The following MRPL1 variants were observed in gnomAD, a reference collection of about 807,000 sequenced individuals.
The protein encoded by MRPL1 is large ribosomal subunit protein uL1m.
Under a neutral mutation model 38.0 loss-of-function variants are expected in MRPL1, and 28 were observed. The observed-to-expected ratio is 0.74, with a 90% CI of 0.55 to 1.01. MRPL1 has a LOEUF of 1.01. MRPL1 is among the 50% of genes least tolerant of loss of function. MRPL1 has a pLI of 0.00. For synonymous variants in MRPL1, 123 were observed against 126.7 expected (o/e 0.97, Z 0.20); for missense variants, 358 against 389.8 (o/e 0.92, Z 0.69).
intron 7 of MRPL1, among the ~76,000 whole-genome samples, chr4:77,948,472 TC>T (rs1737325666): frequency 6.6e-6 from 1 of 152,216 alleles, no homozygotes; most frequent in African/African-American, 2.4e-5. Context: ...TTATTTTTTT[TC>T]CTCTCAGAAC....
At chr4:77,944,949 A>G (rs1326729163) in intron 7 of MRPL1, among the ~76,000 whole-genome samples, 1 of 152,058 alleles carries the variant, frequency 6.6e-6, no homozygotes, top group Non-Finnish European at 1.5e-5. Flanking sequence ...GCCACTCCTT[A>G]CCATGTGTGT....
chr4:77,887,437 A>G (rs1028033627), intron 5 of MRPL1, 146 bp downstream of exon 5: 17 of 672,210 alleles, frequency 2.5e-5, no homozygotes, highest in Non-Finnish European at 3.8e-5. Flanking sequence ...AAAATTTCCA[A>G]CTTTCTTCAG....
chr4:77,885,377 T>G, intron 4 of MRPL1, 38 bp downstream of exon 4: 1 of 1,533,090 alleles, frequency 6.5e-7, no homozygotes, highest in East Asian at 2.3e-5. Flanking sequence ...TCATTTAATT[T>G]TTTTTTTTGA....
At chr4:77,894,869 G>A (rs998048836) in intron 6 of MRPL1, among the ~76,000 whole-genome samples, 25 of 152,098 alleles carry the variant, frequency 1.6e-4, no homozygotes, top group Non-Finnish European at 5.9e-5. Context: ...CATAAAGGAG[G>A]TAACATTAGT....
At chr4:77,915,531 TCCTTAACCCAGTAG>T (rs1409162196) in intron 7 of MRPL1, among the ~76,000 whole-genome samples, 150 of 152,182 alleles carry the variant, frequency 9.9e-4, no homozygotes, top group African/African-American at 3.2e-3. Context: ...CCATCTCAGC[TCCTTAACCCAGTAG>T]CTGGGACTAC....
intron 2 of MRPL1, among the ~76,000 whole-genome samples, chr4:77,877,558 C>A (rs1735427283): frequency 6.8e-6 from 1 of 147,172 alleles, no homozygotes; most frequent in Admixed American, 6.8e-5. Context: ...TAGCAGTAGA[C>A]TTCTATTCCT....
intron 7 of MRPL1, among the ~76,000 whole-genome samples, chr4:77,933,494 A>T (rs1736894161): frequency 6.6e-6 from 1 of 152,196 alleles, no homozygotes; most frequent in African/African-American, 2.4e-5. Context: ...AAGTGATCTC[A>T]TAAAACTATA....
intron 6 of MRPL1, among the ~76,000 whole-genome samples, chr4:77,904,734 TG>T (rs1305940505): frequency 6.6e-6 from 1 of 152,222 alleles, no homozygotes; most frequent in Non-Finnish European, 1.5e-5. Context: ...TATGATCAAC[TG>T]ATTTTCAGCA....
rs188589270 is a variant in MRPL1 at position 77,945,899 on chromosome 4, A to G, written c.778-3898A>G. ...AGGGCAAAGCAAAGATCACAAGGCAAAGGGGAAAATCAAAAACTCCTGATA... is the reference window on the plus strand; with the variant it reads ...AGGGCAAAGCAAAGATCACAAGGCAGAGGGGAAAATCAAAAACTCCTGATA... On this transcript the variant is annotated intron_variant, in intron 7 of 8. Coordinates refer to ENST00000315567, the MANE Select transcript of MRPL1 (RefSeq NM_020236.4). 3.0e-4 allele frequency among the ~76,000 whole-genome samples: 45 copies of G among 152,272 alleles called. No homozygotes were observed. The South Asian group carries it at 3.7e-3, about 13-fold the overall frequency.
chr4:77,880,791 A>G (rs1199587658), intron 2 of MRPL1, among the ~76,000 whole-genome samples: 3 of 152,178 alleles, frequency 2.0e-5, no homozygotes, highest in Non-Finnish European at 4.4e-5. Flanking sequence ...TTTGCTATGT[A>G]ACAAACCACT....
chr4:77,946,321 C>T (rs1334097601), intron 7 of MRPL1, among the ~76,000 whole-genome samples: 4 of 151,360 alleles, frequency 2.6e-5, no homozygotes, highest in Non-Finnish European at 5.9e-5. Context: ...TCCCTAAAAT[C>T]GCTGTTATTC....
chr4:77,931,510 G>A (rs1381382252), intron 7 of MRPL1, among the ~76,000 whole-genome samples: 6 of 152,178 alleles, frequency 3.9e-5, no homozygotes, highest in African/African-American at 1.4e-4. Context: ...ACACAATCCA[G>A]GTTGACAATT....
chr4:77,925,949 CAT>C (rs1300894676), intron 7 of MRPL1, among the ~76,000 whole-genome samples: 2 of 152,100 alleles, frequency 1.3e-5, no homozygotes, highest in African/African-American at 2.4e-5. Flanking sequence ...TTGAAAATAA[CAT>C]GTGTTCTGAG....
chr4:77,934,324 G>A (rs1451725952), intron 7 of MRPL1, among the ~76,000 whole-genome samples: 1 of 152,102 alleles, frequency 6.6e-6, no homozygotes, highest in East Asian at 1.9e-4. Context: ...TGAATCTACA[G>A]TACATAAATA....
chr4:77,871,102 C>T (rs2110228834), intron 1 of MRPL1, among the ~76,000 whole-genome samples: 1 of 152,104 alleles, frequency 6.6e-6, no homozygotes, highest in South Asian at 2.1e-4. Flanking sequence ...TAGATGAAAA[C>T]CCCAGAGCCT....
In MRPL1 at chr4:77,896,968, T is replaced by C. The variant is rs1258028682; in HGVS notation, c.670+2718T>C. On this transcript the variant is annotated intron_variant, in intron 6 of 8. Coordinates refer to ENST00000315567, the MANE Select transcript of MRPL1 (RefSeq NM_020236.4). ...CCAATATAAGTACCCTCTGTAATTC[T>C]TTCATCTCTAATATAGATATGTTTT... 3.3e-5 allele frequency among the ~76,000 whole-genome samples: 5 copies of C among 150,572 alleles called. No homozygotes were observed. In the East Asian group the frequency reaches 9.6e-4, roughly 29 times the overall value.
intron 7 of MRPL1, among the ~76,000 whole-genome samples, chr4:77,935,542 C>T (rs904398747): frequency 2.0e-5 from 3 of 151,946 alleles, no homozygotes; most frequent in Admixed American, 6.5e-5. Context: ...TTACAGGTGC[C>T]CGCCATCATA....
At position 77,896,250 on chromosome 4, in the gene MRPL1, A is replaced by G. The variant is rs540496596; in HGVS notation, c.670+2000A>G. On this transcript the variant is annotated intron_variant, in intron 6 of 8. Coordinates refer to ENST00000315567, the MANE Select transcript of MRPL1 (RefSeq NM_020236.4). ...CAAATACCTTATTTCTTTATTCCAA[A>G]TAATAATTTTCCTAATAAAATGTTT... Among the ~76,000 whole-genome samples the G allele has an allele frequency of 1.9e-3, 282 of 151,028 alleles. 4 individuals carry two copies. The highest frequency in any genetic ancestry group is 6.4e-3 in the African/African-American group (262 of 41,046).
Position 77,938,163 on chromosome 4 carries a change from CTG to C in MRPL1, c.778-11631_778-11630del, listed in dbSNP as rs1193006663. 5.9e-5 allele frequency among the ~76,000 whole-genome samples: 9 copies of C among 152,332 alleles called. No homozygotes were observed. The East Asian group carries it at 1.5e-3, about 26-fold the overall frequency. On this transcript the variant is annotated intron_variant, in intron 7 of 8. Coordinates refer to ENST00000315567, the MANE Select transcript of MRPL1 (RefSeq NM_020236.4). Reference sequence around the variant, plus strand: ...TAAAGAAAGTTTTGTTAGAATATAACTGTGCTCATTTATGTATTGTCTATGAT... The same window carrying C: ...TAAAGAAAGTTTTGTTAGAATATAACTGCTCATTTATGTATTGTCTATGAT...
Sources: allele counts gnomAD v4.1 joint callset (sites outside exome capture counted in the v4.1 genomes callset), GRCh38; gene constraint gnomAD v4.1.1; transcripts MANE v1.5; gene names NCBI Gene and HGNC (gene_info 2026-07-23, HGNC 2026-07-21).